The following CFAP299 variants were observed in gnomAD, a reference collection of about 807,000 sequenced individuals.
CFAP299 encodes cilia- and flagella-associated protein 299.
Under a neutral mutation model 27.0 loss-of-function variants are expected in CFAP299, and 21 were observed. That is an observed-to-expected ratio of 0.78 (90% CI 0.55 to 1.12). CFAP299 has a LOEUF of 1.12. Among genes scored for constraint, CFAP299 ranks in the 50% most tolerant of loss-of-function variants. CFAP299 has a pLI of 0.00. For synonymous variants in CFAP299, 104 were observed against 98.1 expected, an observed-to-expected ratio of 1.06 and a Z score of -0.36; for missense variants, 310 against 276.6, an observed-to-expected ratio of 1.12 and a Z score of -0.86.
chr4:80,684,281 G>C (rs1426837988), intron 3 of CFAP299, among the ~76,000 whole-genome samples: 9 of 151,478 alleles, frequency 5.9e-5, no homozygotes, highest in Admixed American at 3.9e-4. Flanking sequence ...TTTTGGGGGG[G>C]GGGGACGGAG....
At chr4:80,508,864 A>G (rs938075897) in intron 2 of CFAP299, among the ~76,000 whole-genome samples, 1 of 152,148 alleles carries the variant, frequency 6.6e-6, no homozygotes, top group African/African-American at 2.4e-5. Context: ...AGCCTGATCA[A>G]TGTTTTCAGG....
chr4:80,957,245 T>G (rs1239241752), intron 5 of CFAP299, among the ~76,000 whole-genome samples: 1 of 152,184 alleles, frequency 6.6e-6, no homozygotes, highest in Non-Finnish European at 1.5e-5. Context: ...TGGGACCCAG[T>G]AATGGGTTTC....
At chr4:80,602,532 T>G (rs1324235606) in intron 3 of CFAP299, among the ~76,000 whole-genome samples, 1 of 152,140 alleles carries the variant, frequency 6.6e-6, no homozygotes, top group Non-Finnish European at 1.5e-5. Context: ...GACCAAATAA[T>G]AGATCTCTGC....
intron 5 of CFAP299, among the ~76,000 whole-genome samples, chr4:80,945,191 T>C (rs1737410894): frequency 6.6e-6 from 1 of 152,206 alleles, no homozygotes; most frequent in Admixed American, 6.5e-5. Context: ...TCTCCATGCC[T>C]AGCACAGAAT....
chr4:80,514,521 G>T (rs1218141905), intron 2 of CFAP299, among the ~76,000 whole-genome samples: 6 of 151,958 alleles, frequency 3.9e-5, no homozygotes, highest in Non-Finnish European at 7.4e-5. Context: ...GTTAATTCAG[G>T]TTAATTATGA....
intron 2 of CFAP299, among the ~76,000 whole-genome samples, chr4:80,484,061 G>C (rs1730693630): frequency 6.6e-6 from 1 of 152,034 alleles, no homozygotes; most frequent in Non-Finnish European, 1.5e-5. Flanking sequence ...AAAAATGATA[G>C]GTGATTTGCT....
chr4:80,429,236 T>C (rs952321952), intron 2 of CFAP299, among the ~76,000 whole-genome samples: 2 of 152,244 alleles, frequency 1.3e-5, no homozygotes, highest in African/African-American at 2.4e-5. Flanking sequence ...TTATTAGCCT[T>C]GTTGAAACAA....
chr4:80,669,923 A>C (rs1267034862), intron 3 of CFAP299, among the ~76,000 whole-genome samples: 1 of 151,552 alleles, frequency 6.6e-6, no homozygotes, highest in Non-Finnish European at 1.5e-5. Flanking sequence ...TCTTGCTAGC[A>C]GTCTGTCGAT....
At chr4:80,760,410 C>T (rs927188541) in intron 3 of CFAP299, among the ~76,000 whole-genome samples, 2 of 152,162 alleles carry the variant, frequency 1.3e-5, no homozygotes, top group African/African-American at 4.8e-5. Context: ...GCCACCACCA[C>T]CTCTGCATCT....
intron 2 of CFAP299, among the ~76,000 whole-genome samples, chr4:80,467,569 C>T (rs978355619): frequency 2.0e-5 from 3 of 152,164 alleles, no homozygotes; most frequent in Admixed American, 2.0e-4. Context: ...TCTAAGGTCA[C>T]AGCTTCACCT....
chr4:80,603,687 G>A (rs2109905119), intron 3 of CFAP299, among the ~76,000 whole-genome samples: 1 of 152,250 alleles, frequency 6.6e-6, no homozygotes, highest in Middle Eastern at 3.4e-3. Flanking sequence ...AAAATTGATA[G>A]TGACCTCAAT....
intron 2 of CFAP299, among the ~76,000 whole-genome samples, chr4:80,543,423 TAA>T (rs1185738553): frequency 3.3e-5 from 5 of 152,218 alleles, no homozygotes; most frequent in African/African-American, 1.2e-4. Context: ...CATTAAGATA[TAA>T]GAGGAGGTTG....
At chr4:80,431,941 G>C (rs570151527) in intron 2 of CFAP299, among the ~76,000 whole-genome samples, 4 of 152,176 alleles carry the variant, frequency 2.6e-5, no homozygotes, top group Non-Finnish European at 5.9e-5. Flanking sequence ...AGAAGAGTTT[G>C]TTGTTCTCTA....
chr4:80,654,286 G>A (rs530816990), intron 3 of CFAP299, among the ~76,000 whole-genome samples: 3 of 152,172 alleles, frequency 2.0e-5, no homozygotes, highest in African/African-American at 7.2e-5. Flanking sequence ...AAGGCACCTG[G>A]GAGTTTTACT....
intron 2 of CFAP299, among the ~76,000 whole-genome samples, chr4:80,470,603 G>A (rs1174836274): frequency 6.6e-6 from 1 of 152,194 alleles, no homozygotes; most frequent in Non-Finnish European, 1.5e-5. Context: ...AATTGGGGAT[G>A]TGACAATTTT....
At chr4:80,767,100 C>G (rs374921853) in intron 3 of CFAP299, among the ~76,000 whole-genome samples, 1 of 151,954 alleles carries the variant, frequency 6.6e-6, no homozygotes, top group Admixed American at 6.6e-5. Context: ...TTTTCCTATA[C>G]GTACATATAC....
rs568620628 is a variant in CFAP299, at chr4:80,387,871, G to A, written c.242+24987G>A. The A allele has an allele frequency of 2.4e-4, 289 of 1,181,540 alleles. 3 individuals are homozygous for A. In the South Asian group the frequency reaches 3.4e-3, roughly 14 times the overall value. The allele number at this position is 1,181,540 out of a possible 1,614,324, so 73.2% of individuals were successfully genotyped here. ...TTTAGCCCGTGGGGTCTTCAGCATT[G>A]GTGGAGAGTCAAAGATGGCCACGGT... On this transcript the variant is annotated intron_variant, in intron 2 of 5. Coordinates refer to ENST00000358105, the MANE Select transcript of CFAP299 (RefSeq NM_152770.3).
chr4:80,337,693 C>T (rs992054724), intron 1 of CFAP299, among the ~76,000 whole-genome samples: 2 of 152,180 alleles, frequency 1.3e-5, no homozygotes, highest in East Asian at 1.9e-4. Context: ...CCACCACACC[C>T]AGCCCATCAA....
At chr4:80,863,559 T>C (rs1202158733) in intron 3 of CFAP299, among the ~76,000 whole-genome samples, 1 of 152,188 alleles carries the variant, frequency 6.6e-6, no homozygotes, top group Non-Finnish European at 1.5e-5. Context: ...CCTTGGTGTC[T>C]TATTCCCCAC....
Sources: allele counts gnomAD v4.1 joint callset (sites outside exome capture counted in the v4.1 genomes callset), GRCh38; gene constraint gnomAD v4.1.1; transcripts MANE v1.5; gene names NCBI Gene and HGNC (gene_info 2026-07-23, HGNC 2026-07-21).